The following CSMD2 variants were observed in gnomAD, a reference collection of about 807,000 sequenced individuals.
CSMD2 encodes the protein CUB and Sushi multiple domains 2, also known as CUB and sushi domain-containing protein 2.
In CSMD2, 130 loss-of-function variants were observed where a neutral mutation model predicts 398.5. That is an observed-to-expected ratio of 0.33 (90% CI 0.28 to 0.38). The LOEUF (loss-of-function observed/expected upper bound fraction) is 0.38, where lower values mean the gene tolerates loss of function less well. Ranked by LOEUF, CSMD2 falls within the 10% of genes least tolerant of loss-of-function variation. The pLI, the probability that CSMD2 is intolerant of heterozygous loss-of-function variation, is 1.00. For missense variants in CSMD2, 3,829 were observed against 4,764.9 expected, an observed-to-expected ratio of 0.80 and a Z score of 5.78; for synonymous variants, 1,828 against 1,908.5, an observed-to-expected ratio of 0.96 and a Z score of 1.10.
intron 13 of CSMD2, among the ~76,000 whole-genome samples, chr1:33,757,664 G>A (rs77798886): frequency 0.019 from 2,910 of 152,148 alleles, 38 homozygotes; most frequent in South Asian, 0.031. Context: ...AGATCCCACC[G>A]GCACCTCAAA....
intron 13 of CSMD2, among the ~76,000 whole-genome samples, chr1:33,755,915 G>A (rs561239674): frequency 6.6e-6 from 1 of 152,124 alleles, no homozygotes; most frequent in South Asian, 2.1e-4. Flanking sequence ...ACAAGTTTTT[G>A]TGTTTCTTTT....
intron 13 of CSMD2, among the ~76,000 whole-genome samples, chr1:33,756,310 TG>T (rs1415342220): frequency 1.3e-5 from 2 of 152,198 alleles, no homozygotes; most frequent in African/African-American, 4.8e-5. Flanking sequence ...CAAGTATTGA[TG>T]GAGTGACGGA....
chr1:34,092,770 C>A (rs535335675), intron 1 of CSMD2, among the ~76,000 whole-genome samples: 28 of 152,352 alleles, frequency 1.8e-4, no homozygotes, highest in Middle Eastern at 3.4e-3. Flanking sequence ...CCCACGGAGT[C>A]TCGCTGATTG....
chr1:33,972,558 G>A (rs1645810355), intron 3 of CSMD2, among the ~76,000 whole-genome samples: 1 of 152,164 alleles, frequency 6.6e-6, no homozygotes, highest in South Asian at 2.1e-4. Context: ...GAGGATTGGA[G>A]TCAGTAATAG....
At chr1:33,754,630 G>A (rs1008598091) in intron 13 of CSMD2, among the ~76,000 whole-genome samples, 2 of 152,182 alleles carry the variant, frequency 1.3e-5, no homozygotes, top group Non-Finnish European at 2.9e-5. Context: ...TGAAATGTAT[G>A]TTTCAATTAT....
At chr1:34,030,280 G>T (rs567823075) in intron 3 of CSMD2, among the ~76,000 whole-genome samples, 2 of 152,286 alleles carry the variant, frequency 1.3e-5, no homozygotes, top group South Asian at 4.2e-4. Flanking sequence ...CAGACCAGGG[G>T]TAAGTAAATT....
chr1:34,072,628 GGT>G (rs1445737540), intron 2 of CSMD2, among the ~76,000 whole-genome samples: 1 of 152,140 alleles, frequency 6.6e-6, no homozygotes, highest in Non-Finnish European at 1.5e-5. Context: ...GGCTCCAGGG[GGT>G]GTTAAATTTT....
chr1:33,744,758 T>C (rs1294598256), intron 13 of CSMD2, among the ~76,000 whole-genome samples: 1 of 151,780 alleles, frequency 6.6e-6, no homozygotes, highest in Non-Finnish European at 1.5e-5. Context: ...TGAAAGAAAA[T>C]AGAATTAATA....
rs1355486857 is a variant in CSMD2 at position 34,032,476 on chromosome 1, C to G, written c.517+118G>C. The G allele has an allele frequency of 6.5e-6, 4 of 612,226 alleles. No individual in the cohort carries two copies. The East Asian group carries it at 1.3e-4, about 20-fold the overall frequency. The allele number at this position is 612,226 out of a possible 1,614,324, so 37.9% of individuals were successfully genotyped here. A position where few individuals can be genotyped will look rare whatever the true frequency, so the allele number is the denominator to read the frequency against. ...TGGTTAGTAACCAGCCTTGTCAGGACAGGCGCAAGCTCTGGGTCTGAAGAA... is the reference window on the plus strand; with the variant it reads ...TGGTTAGTAACCAGCCTTGTCAGGAGAGGCGCAAGCTCTGGGTCTGAAGAA... On this transcript the variant is annotated intron_variant, in intron 3 of 70. Transcript: ENST00000373381.
Position 33,701,262 on chromosome 1 carries a change from T to G in CSMD2, c.3577-589A>C, listed in dbSNP as rs115588454. On this transcript the variant is annotated intron_variant, in intron 22 of 70. Transcript: ENST00000373381. ...AGCTCAGCCTCTGCCCCTTCCCTCC[T>G]AAAATGAGGGCTCCAGCTAGGGCCT... is the stretch of plus-strand genomic sequence containing the variant. 5.2e-3 allele frequency among the ~76,000 whole-genome samples: 790 copies of G among 152,258 alleles called. 4 individuals carry two copies. Among genetic ancestry groups the G allele is most frequent in the South Asian group, 7.5e-3 (36 of 4,818 alleles).
At chr1:33,860,326 T>G (rs1309916520) in intron 5 of CSMD2, 1 of 152,230 alleles carries the variant, frequency 6.6e-6, no homozygotes, top group Non-Finnish European at 1.5e-5. Flanking sequence ...TTATTTCAGT[T>G]TGTCTAATGT....
intron 15 of CSMD2, among the ~76,000 whole-genome samples, chr1:33,738,768 A>G (rs1430863967): frequency 1.3e-5 from 2 of 152,120 alleles, no homozygotes; most frequent in Non-Finnish European, 2.9e-5. Flanking sequence ...GCAGCTTGAA[A>G]GACCCGAAAA....
chr1:33,736,362 T>G (rs1343169852), intron 15 of CSMD2, among the ~76,000 whole-genome samples: 1 of 151,720 alleles, frequency 6.6e-6, no homozygotes, highest in African/African-American at 2.4e-5. Flanking sequence ...GCGCCTGTAG[T>G]CCCAGCTACT....
intron 26 of CSMD2, among the ~76,000 whole-genome samples, chr1:33,662,644 A>G (rs2148999904): frequency 6.6e-6 from 1 of 152,284 alleles, no homozygotes; most frequent in Admixed American, 6.5e-5. Flanking sequence ...GGTGACCATT[A>G]TGGACCGTAT....
chr1:34,123,616 T>C (rs916375979), intron 1 of CSMD2, among the ~76,000 whole-genome samples: 1 of 152,056 alleles, frequency 6.6e-6, no homozygotes, highest in African/African-American at 2.4e-5. Flanking sequence ...GGGGGGAGTC[T>C]CGGGAACTGA....
At chr1:34,082,609 G>C (rs558180307) in intron 2 of CSMD2, among the ~76,000 whole-genome samples, 1 of 152,228 alleles carries the variant, frequency 6.6e-6, no homozygotes, top group South Asian at 2.1e-4. Flanking sequence ...CCATGATGAC[G>C]ATGGCGGTTT....
rs1432556492 is a variant in CSMD2 at position 33,537,186 on chromosome 1, T to C, written c.9806-91A>G. ...TGGGAAATAGGTGTAGAAAAGAAAA[T>C]GCGGCCACATCCTGACTTCCCTGCC... On this transcript the variant is annotated intron_variant, in intron 61 of 70. Transcript: ENST00000373381. This position sits in a 1 kb window ranked among gnomAD's most constrained non-coding sequence, Gnocchi z 4.6. 8.4e-6 allele frequency: 12 copies of C among 1,425,336 alleles called. No homozygotes were observed. The highest frequency in any genetic ancestry group is 2.8e-5 in the African/African-American group (2 of 71,182). 88.3% of individuals were successfully genotyped at this position (1,425,336 alleles called of 1,614,324 possible).
chr1:33,907,739 G>C (rs1364144598), intron 5 of CSMD2, among the ~76,000 whole-genome samples: 5 of 152,154 alleles, frequency 3.3e-5, no homozygotes, highest in Non-Finnish European at 7.3e-5. Context: ...CATTTCATCG[G>C]ACTGTCATTG....
chr1:33,564,511 A>G (rs1215121063), intron 53 of CSMD2, among the ~76,000 whole-genome samples: 1 of 152,224 alleles, frequency 6.6e-6, no homozygotes, highest in Non-Finnish European at 1.5e-5. Flanking sequence ...CTTCTGGGTG[A>G]AACTAAACAT....
Sources: allele counts gnomAD v4.1 joint callset (sites outside exome capture counted in the v4.1 genomes callset), GRCh38; gene constraint gnomAD v4.1.1; non-coding constraint Gnocchi (gnomAD v3.1); transcripts MANE v1.5; gene names NCBI Gene and HGNC (gene_info 2026-07-23, HGNC 2026-07-21).